The following TMEM163 variants were observed in gnomAD, a reference collection of about 807,000 sequenced individuals.
TMEM163 encodes transmembrane protein 163.
Under a neutral mutation model 29.3 loss-of-function variants are expected in TMEM163, and 17 were observed. The observed-to-expected ratio is 0.58, with a 90% CI of 0.40 to 0.87. TMEM163 has a LOEUF of 0.87. TMEM163 is among the 40% of genes least tolerant of loss of function. The pLI is 0.00. For missense variants in TMEM163, 303 were observed against 381.5 expected (o/e 0.79, Z 1.71); for synonymous variants, 157 against 160.6 (o/e 0.98, Z 0.17).
At chr2:134,567,546 C>G (rs1444677476) in intron 2 of TMEM163, among the ~76,000 whole-genome samples, 1 of 152,046 alleles carries the variant, frequency 6.6e-6, no homozygotes, top group East Asian at 1.9e-4. Flanking sequence ...ACAAAATTAG[C>G]CGAGTATGGT....
At chr2:134,614,606 C>A (rs572469124) in intron 2 of TMEM163, among the ~76,000 whole-genome samples, 1 of 152,266 alleles carries the variant, frequency 6.6e-6, no homozygotes, top group South Asian at 2.1e-4. Context: ...ATAATCCCAG[C>A]ATGTTGGGAG....
chr2:134,707,503 C>T (rs4954168), intron 2 of TMEM163, among the ~76,000 whole-genome samples: 31,741 of 152,042 alleles, frequency 0.21, 3,758 homozygotes, highest in Middle Eastern at 0.39. Flanking sequence ...AATAAATACA[C>T]GACCAGCAAA....
At chr2:134,522,752 C>T (rs1680214066) in intron 4 of TMEM163, among the ~76,000 whole-genome samples, 1 of 152,232 alleles carries the variant, frequency 6.6e-6, no homozygotes. Flanking sequence ...ACTGGCATAT[C>T]TAAGGCTCAT....
At chr2:134,601,443 G>C (rs897620127) in intron 2 of TMEM163, among the ~76,000 whole-genome samples, 8 of 152,234 alleles carry the variant, frequency 5.3e-5, no homozygotes, top group Non-Finnish European at 1.0e-4. Context: ...AGAAGGCAAG[G>C]CCGGAGCCCC....
intron 5 of TMEM163, among the ~76,000 whole-genome samples, chr2:134,495,000 T>C (rs959270304): frequency 2.4e-5 from 3 of 125,096 alleles, no homozygotes; most frequent in African/African-American, 9.5e-5. Context: ...TCCCAGGTTC[T>C]CCCTCCCTCT....
At chr2:134,675,424 A>G (rs1420054509) in intron 2 of TMEM163, among the ~76,000 whole-genome samples, 1 of 152,214 alleles carries the variant, frequency 6.6e-6, no homozygotes, top group Admixed American at 6.5e-5. Flanking sequence ...TATTATTTCC[A>G]CAATTTCCAG....
chr2:134,622,413 A>G lies in TMEM163; in HGVS notation c.323-70322T>C, dbSNP rs1355592733. On this transcript the variant is annotated intron_variant, in intron 2 of 7. Coordinates refer to ENST00000281924, the MANE Select transcript of TMEM163 (RefSeq NM_030923.5). ...AAGAATGCTAATTTGCTGTAATGAAATATGCCAAGAATTTTTGTTAAGTTC... is the reference window on the plus strand; with the variant it reads ...AAGAATGCTAATTTGCTGTAATGAAGTATGCCAAGAATTTTTGTTAAGTTC... Among the ~76,000 whole-genome samples, 3 of 152,218 alleles carry G rather than the reference A, an allele frequency of 2.0e-5. No homozygotes were observed. The East Asian group carries it at 5.8e-4, about 29-fold the overall frequency.
At chr2:134,702,902 G>A (rs72844169) in intron 2 of TMEM163, among the ~76,000 whole-genome samples, 1 of 152,260 alleles carries the variant, frequency 6.6e-6, no homozygotes, top group Non-Finnish European at 1.5e-5. Context: ...CCCATGCAAA[G>A]GTGTAAGTTT....
chr2:134,597,814 G>T (rs1317369198), intron 2 of TMEM163, among the ~76,000 whole-genome samples: 5 of 152,198 alleles, frequency 3.3e-5, no homozygotes, highest in Non-Finnish European at 7.3e-5. Context: ...TCAATTCAGA[G>T]ATTCAACTTC....
chr2:134,666,210 C>G (rs57351353), intron 2 of TMEM163, among the ~76,000 whole-genome samples: 12,711 of 152,038 alleles, frequency 0.084, 603 homozygotes, highest in South Asian at 0.17. Context: ...CAACAGCCGA[C>G]TTCTGCCTGC....
At chr2:134,583,214 C>T (rs1278564544) in intron 2 of TMEM163, among the ~76,000 whole-genome samples, 1 of 152,172 alleles carries the variant, frequency 6.6e-6, no homozygotes, top group African/African-American at 2.4e-5. Context: ...TAAAATTGGA[C>T]AATTTATTTA....
chr2:134,582,345 G>A (rs553289517), intron 2 of TMEM163, among the ~76,000 whole-genome samples: 1 of 152,322 alleles, frequency 6.6e-6, no homozygotes, highest in South Asian at 2.1e-4. Context: ...CTTAAGAAAT[G>A]ACAGCTGCCA....
At chr2:134,578,207 TAA>T (rs1258953900) in intron 2 of TMEM163, among the ~76,000 whole-genome samples, 15 of 152,192 alleles carry the variant, frequency 9.9e-5, no homozygotes, top group African/African-American at 3.4e-4. Context: ...AGGCTTTCAT[TAA>T]AAGTCTTAAG....
At chr2:134,556,210 A>C (rs1681046438) in intron 2 of TMEM163, among the ~76,000 whole-genome samples, 1 of 152,178 alleles carries the variant, frequency 6.6e-6, no homozygotes, top group Non-Finnish European at 1.5e-5. Flanking sequence ...GTCCTGCCTG[A>C]TCTATCCCTC....
At chr2:134,627,227 G>GA (rs2104829392) in intron 2 of TMEM163, among the ~76,000 whole-genome samples, 1 of 152,154 alleles carries the variant, frequency 6.6e-6, no homozygotes, top group African/African-American at 2.4e-5. Context: ...CTATGCATTT[G>GA]AAAAATATCT....
Position 134,718,868 on chromosome 2 carries a change from C to T in TMEM163, c.68G>A (p.Gly23Asp). 3 of 1,107,662 alleles carry T rather than the reference C, an allele frequency of 2.7e-6. No individual in the cohort carries two copies. Among genetic ancestry groups the T allele is most frequent in the Non-Finnish European group, 3.3e-6 (3 of 909,604 alleles). The allele number at this position is 1,107,662 out of a possible 1,614,324, so 68.6% of individuals were successfully genotyped here. A position where few individuals can be genotyped will look rare whatever the true frequency, so the allele number is the denominator to read the frequency against. ...QGPTVPPPPRGHAPPAAAPGP... is the reference protein window; with the variant it reads ...QGPTVPPPPRDHAPPAAAPGP... ...GGGGGCGGCAGCCGGTGGCGCGTGG[C>T]CCCGGGGCGGCGGCGGGACGGTGGG... Residue 23 changes from glycine to aspartate, a missense_variant, in exon 1 of 8, where the codon GGC (glycine) becomes GAC (aspartate). Coordinates refer to ENST00000281924, the MANE Select transcript of TMEM163 (RefSeq NM_030923.5).
chr2:134,504,206 A>T (rs1372703730), intron 4 of TMEM163, among the ~76,000 whole-genome samples: 1 of 152,198 alleles, frequency 6.6e-6, no homozygotes, highest in Admixed American at 6.5e-5. Context: ...CACATTTAGG[A>T]GTGAGGAATA....
At chr2:134,708,619 C>T (rs1684867066) in intron 2 of TMEM163, among the ~76,000 whole-genome samples, 1 of 151,536 alleles carries the variant, frequency 6.6e-6, no homozygotes, top group Admixed American at 6.6e-5. Context: ...CAGAGTCTTG[C>T]TCTGTCACCC....
intron 2 of TMEM163, among the ~76,000 whole-genome samples, chr2:134,581,592 A>G (rs1478771294): frequency 6.6e-6 from 1 of 151,708 alleles, no homozygotes; most frequent in African/African-American, 2.4e-5. Context: ...CAATTCCCCC[A>G]CTTACAGGAG....
Sources: gnomAD v4.1 joint callset for allele counts (sites outside exome capture counted in the v4.1 genomes callset) on GRCh38, gnomAD v4.1.1 for gene constraint, MANE v1.5 for transcripts, NCBI Gene and HGNC (gene_info 2026-07-23, HGNC 2026-07-21) for gene names.